The following VPS45 variants were observed in gnomAD, a reference collection of about 807,000 sequenced individuals.
VPS45 encodes the protein vacuolar protein sorting-associated protein 45.
Under a neutral mutation model 75.9 loss-of-function variants are expected in VPS45, and 35 were observed. The observed-to-expected ratio is 0.46, with a 90% CI of 0.35 to 0.61. VPS45 has a LOEUF of 0.61. Among genes scored for constraint, VPS45 ranks in the 20% least tolerant of loss-of-function variants. VPS45 has a pLI of 0.00. For synonymous variants in VPS45, 220 were observed against 238.2 expected (o/e 0.92, Z 0.70); for missense variants, 559 against 685.9 (o/e 0.81, Z 2.07).
At chr1:150,078,644 C>T (rs1441630138) in intron 7 of VPS45, among the ~76,000 whole-genome samples, 1 of 151,938 alleles carries the variant, frequency 6.6e-6, no homozygotes. Context: ...CACCTGTAGT[C>T]CCAGCTACTT....
At chr1:150,068,144 G>GACT in intron 1 of VPS45, 194 bp downstream of exon 1, 1 of 573,772 alleles carries the variant, frequency 1.7e-6, no homozygotes. Context: ...ACTGCCTAGA[G>GACT]ACTACTTCTA....
intron 14 of VPS45, among the ~76,000 whole-genome samples, chr1:150,126,221 G>GTT (rs1399399503): frequency 6.6e-6 from 1 of 151,406 alleles, no homozygotes; most frequent in Admixed American, 6.6e-5. Context: ...GTTTTGTTTT[G>GTT]TTTTTTTGAG....
chr1:150,109,997 C>A (rs1306297749), intron 13 of VPS45: 2 of 151,990 alleles, frequency 1.3e-5, no homozygotes, highest in African/African-American at 4.8e-5. Flanking sequence ...TTCTAGTTTC[C>A]ATGTTTTGGG....
intron 9 of VPS45, 76 bp from the exon 10 acceptor site, chr1:150,082,640 C>T: frequency 6.6e-7 from 1 of 1,520,488 alleles, no homozygotes; most frequent in South Asian, 1.3e-5. Flanking sequence ...CCCGCTTTCC[C>T]CAACCCCCAT....
At chr1:150,071,520 C>T (rs1655072986) in intron 2 of VPS45, among the ~76,000 whole-genome samples, 2 of 152,318 alleles carry the variant, frequency 1.3e-5, no homozygotes, top group South Asian at 4.1e-4. Flanking sequence ...GGCGCAGTGG[C>T]TCATGCCTGT....
intron 14 of VPS45, among the ~76,000 whole-genome samples, chr1:150,140,196 A>G (rs1553814935): frequency 6.6e-6 from 1 of 152,062 alleles, no homozygotes; most frequent in African/African-American, 2.4e-5. Context: ...GAGCCACCGC[A>G]CCCAGCCCAG....
intron 14 of VPS45, 120 bp from the exon 15 acceptor site, chr1:150,144,589 C>G (rs1309918326): frequency 1.2e-6 from 1 of 818,342 alleles, no homozygotes; most frequent in Non-Finnish European, 1.9e-6. Flanking sequence ...AATATCAGAC[C>G]AGTACCTCCT....
intron 2 of VPS45, 129 bp downstream of exon 2, chr1:150,068,893 G>A: frequency 1.0e-6 from 1 of 981,886 alleles, no homozygotes; most frequent in South Asian, 2.3e-5. Context: ...GTTCATCAGT[G>A]TTATAACCTT....
chr1:150,077,226 G>C lies in VPS45; in HGVS notation c.571G>C (p.Val191Leu). 4 of 1,612,648 alleles carry C rather than the reference G, an allele frequency of 2.5e-6. No individual in the cohort carries two copies. The highest frequency in any genetic ancestry group is 3.4e-6 in the Non-Finnish European group (4 of 1,179,604). The change falls in exon 6 of 15, where the codon GTT becomes CTT. Residue 191 changes from valine (V) to leucine (L), a missense_variant. Physicochemically the swap from Val to Leu is conservative, Grantham distance 32. Coordinates refer to ENST00000644510, the MANE Select transcript of VPS45 (RefSeq NM_007259.5). ...GGCAGCAAAGAGACTTGCAGAGTGCGTTAAGGTATGGCATTACCTATTCCT... is the reference window on the plus strand; with the variant it reads ...GGCAGCAAAGAGACTTGCAGAGTGCCTTAAGGTATGGCATTACCTATTCCT... Reference protein sequence around the residue: ...SEAAKRLAECVKQVITKEYEL... With the variant: ...SEAAKRLAECLKQVITKEYEL...
chr1:150,078,740 C>T (rs1410344187), intron 7 of VPS45, among the ~76,000 whole-genome samples: 4 of 151,370 alleles, frequency 2.6e-5, no homozygotes, highest in Non-Finnish European at 4.4e-5. Context: ...CCAGCCAGGG[C>T]GACAGAGCAA....
chr1:150,120,293 T>G (rs1658167957), intron 14 of VPS45, among the ~76,000 whole-genome samples: 1 of 152,236 alleles, frequency 6.6e-6, no homozygotes, highest in East Asian at 1.9e-4. Context: ...TTTAGCAACC[T>G]TAATCATGGT....
At chr1:150,095,134 C>T (rs1553802774) in intron 13 of VPS45, among the ~76,000 whole-genome samples, 1 of 152,142 alleles carries the variant, frequency 6.6e-6, no homozygotes, top group Non-Finnish European at 1.5e-5. Flanking sequence ...GGTACCCGCC[C>T]TCAAAGAACT....
chr1:150,105,298 T>G (rs1657259552), intron 13 of VPS45, among the ~76,000 whole-genome samples: 1 of 152,098 alleles, frequency 6.6e-6, no homozygotes, highest in African/African-American at 2.4e-5. Flanking sequence ...GAAAGAAATA[T>G]AAGACATCCA....
rs1312269902 is a variant in VPS45 at position 150,088,475 on chromosome 1, C to CTTTTT, written c.1105-3460_1105-3456dup. Among the ~76,000 whole-genome samples, 19 of 87,888 alleles carry CTTTTT rather than the reference C, an allele frequency of 2.2e-4. 1 individual carries two copies. Among genetic ancestry groups the CTTTTT allele is most frequent in the African/African-American group, 6.5e-4 (14 of 21,688 alleles). 57.7% of individuals were successfully genotyped at this position (87,888 alleles called of 152,430 possible). A position where few individuals can be genotyped will look rare whatever the true frequency, so the allele number is the denominator to read the frequency against. ...TATATATGCTGCTATTTTCTTTTCCCTTTTTTCTTTTTTTTTTTTTTTGAG... is the reference window on the plus strand; with the variant it reads ...TATATATGCTGCTATTTTCTTTTCCCTTTTTTTTTTTCTTTTTTTTTTTTTTTGAG... On this transcript the variant is annotated intron_variant, in intron 10 of 14. Transcript: ENST00000644510.
At chr1:150,106,490 C>T (rs1657331413) in intron 13 of VPS45, among the ~76,000 whole-genome samples, 2 of 152,194 alleles carry the variant, frequency 1.3e-5, no homozygotes, top group Admixed American at 6.5e-5. Flanking sequence ...TACTGATCAT[C>T]AGAGAAATGC....
At chr1:150,075,395 A>C (rs587734203) in intron 3 of VPS45, among the ~76,000 whole-genome samples, 1 of 152,116 alleles carries the variant, frequency 6.6e-6, no homozygotes, top group East Asian at 1.9e-4. Flanking sequence ...AGTTCCTGTA[A>C]ATTCATAGGT....
At chr1:150,068,575 C>A (rs1324298357) in intron 1 of VPS45, 55 bp from the exon 2 acceptor site, 2 of 1,411,824 alleles carry the variant, frequency 1.4e-6, no homozygotes, top group Admixed American at 5.1e-5. Flanking sequence ...AGATGTGCTA[C>A]TTGTTTTTAT....
At chr1:150,112,490 C>G (rs60307722) in intron 14 of VPS45, among the ~76,000 whole-genome samples, 6,620 of 152,150 alleles carry the variant, frequency 0.044, 471 homozygotes, top group African/African-American at 0.15. Context: ...TGTAGGGTTT[C>G]CTTTTATAAC....
intron 12 of VPS45, among the ~76,000 whole-genome samples, chr1:150,092,967 C>G (rs1208272407): frequency 1.3e-5 from 2 of 150,262 alleles, no homozygotes; most frequent in Non-Finnish European, 3.0e-5. Flanking sequence ...CTCAGCCTCT[C>G]GAGTAGCTGG....
Sources: allele counts gnomAD v4.1 joint callset (sites outside exome capture counted in the v4.1 genomes callset), GRCh38; gene constraint gnomAD v4.1.1; transcripts MANE v1.5; gene names NCBI Gene and HGNC (gene_info 2026-07-23, HGNC 2026-07-21).